The following MOV10L1 variants were observed in gnomAD, a reference collection of about 807,000 sequenced individuals.
The protein encoded by MOV10L1 is RNA helicase Mov10l1.
MOV10L1 carries 110 observed loss-of-function variants against 143.8 expected under a neutral mutation model. That is an observed-to-expected ratio of 0.76 (90% CI 0.66 to 0.90). The LOEUF (loss-of-function observed/expected upper bound fraction) is 0.90, where lower values mean the gene tolerates loss of function less well. Among genes scored for constraint, MOV10L1 ranks in the 40% least tolerant of loss-of-function variants. MOV10L1 has a pLI of 0.00. For missense variants in MOV10L1, 1,406 were observed against 1,526.8 expected (o/e 0.92, Z 1.32); for synonymous variants, 593 against 581.1 (o/e 1.02, Z -0.29).
At chr22:50,103,499 T>A (rs2061797101) in intron 3 of MOV10L1, among the ~76,000 whole-genome samples, 1 of 152,162 alleles carries the variant, frequency 6.6e-6, no homozygotes, top group African/African-American at 2.4e-5. Flanking sequence ...GGAGGCTGTT[T>A]AGCTGCATCC....
rs2052412726 is a variant in MOV10L1, at chr22:50,144,186, C to G, written c.2448C>G (p.Ser816Arg). 6.2e-7 allele frequency: 1 copy of G among 1,612,936 alleles called. No homozygotes were observed. The highest frequency in any genetic ancestry group is 8.5e-7 in the Non-Finnish European group (1 of 1,179,142). ...ADLVCLRLHE[S>R]KVLQPATMVR... ...TCGTGTGTCTGCGGCTGCACGAGAG[C>G]AAGGTGCTACAGCCGGCCACCATGG... Residue 816 changes from serine to arginine, a missense_variant, in exon 18 of 27, where the codon AGC becomes AGG. This residue lies in a region of MOV10L1 where 1,233 missense variants were observed against 1,351.4 expected (regional missense o/e 0.91). Transcript: ENST00000262794.
intron 10 of MOV10L1, among the ~76,000 whole-genome samples, 161 bp from the exon 11 acceptor site, chr22:50,125,231 C>T (rs542541460): frequency 1.1e-4 from 16 of 152,342 alleles, no homozygotes; most frequent in East Asian, 3.9e-4. Context: ...TGCTGAAGGC[C>T]GGGGAACTTA....
At chr22:50,144,587 GTTTTT>G (rs71198224) in intron 18 of MOV10L1, among the ~76,000 whole-genome samples, 144 of 148,124 alleles carry the variant, frequency 9.7e-4, no homozygotes, top group South Asian at 2.7e-3. Flanking sequence ...GTTTTGTTTT[GTTTTT>G]TTTTTTTGAG....
chr22:50,151,996 C>T (rs2063312101), intron 21 of MOV10L1, among the ~76,000 whole-genome samples: 1 of 152,248 alleles, frequency 6.6e-6, no homozygotes, highest in Non-Finnish European at 1.5e-5. Context: ...CCAGCTAAGG[C>T]AGAGGTGCCG....
At chr22:50,090,207 G>A in intron 1 of MOV10L1, 22 bp downstream of exon 1, 1 of 1,412,872 alleles carries the variant, frequency 7.1e-7, no homozygotes, top group Non-Finnish European at 9.2e-7. Context: ...GAGGCGGCTG[G>A]GAGGCGGGTC....
intron 9 of MOV10L1, among the ~76,000 whole-genome samples, chr22:50,119,769 A>C (rs1240271850): frequency 6.6e-6 from 1 of 151,632 alleles, no homozygotes; most frequent in Non-Finnish European, 1.5e-5. Flanking sequence ...TTGAGATGAC[A>C]GTGAATGGAA....
chr22:50,112,970 C>G (rs554381467), intron 5 of MOV10L1, among the ~76,000 whole-genome samples: 1 of 152,180 alleles, frequency 6.6e-6, no homozygotes, highest in Admixed American at 6.5e-5. Context: ...GGGAACCTCA[C>G]TGAGTTTGCA....
At chr22:50,154,422 G>T (rs2063374815) in intron 22 of MOV10L1, among the ~76,000 whole-genome samples, 1 of 151,164 alleles carries the variant, frequency 6.6e-6, no homozygotes, top group Admixed American at 6.6e-5. Flanking sequence ...TTTTAAATTA[G>T]CTGAGCATGG....
Position 50,099,582 on chromosome 22 carries a change from C to T in MOV10L1, c.422C>T (p.Ser141Phe), listed in dbSNP as rs781497595. Residue 141 changes from serine (S) to phenylalanine (F), a missense_variant, in exon 3 of 27, where the codon TCT (serine) becomes TTT (phenylalanine). Transcript: ENST00000262794. ...AGCISQTTYF[S>F]LESVCEGFEP... ...TGTATCAGTCAGACCACCTACTTCTCTCTGGAGAGTGTGTGCGAAGGTATG... is the reference window on the plus strand; with the variant it reads ...TGTATCAGTCAGACCACCTACTTCTTTCTGGAGAGTGTGTGCGAAGGTATG... 2.5e-6 allele frequency: 4 copies of T among 1,612,968 alleles called. No homozygotes were observed. Among genetic ancestry groups the T allele is most frequent in the Non-Finnish European group, 3.4e-6 (4 of 1,179,006 alleles).
rs1225494285 is a variant in MOV10L1 at position 50,114,620 on chromosome 22, CA to C, written c.1125del (p.Gly376ValfsTer21). 6.8e-6 allele frequency: 11 copies of C among 1,613,576 alleles called. No individual in the cohort carries two copies. The highest frequency in any genetic ancestry group is 9.3e-6 in the Non-Finnish European group (11 of 1,179,716). ...SSLVNNRGISPGDCTCKGENG... is the reference protein window; with the variant it reads ...SSLVNNRGISXGDCTCKGENG... ...TTGGTGAACAACAGAGGAATCTCTC[CA>C]GGTAGTGGACGTTTCGGCTGTCACT... On this transcript the variant is annotated frameshift_variant and splice_region_variant, in exon 7 of 27. Coordinates refer to ENST00000262794, the MANE Select transcript of MOV10L1 (RefSeq NM_018995.3). LOFTEE classifies it high-confidence loss of function.
In MOV10L1 at chr22:50,150,719, G is replaced by A; in HGVS notation, c.2728-16G>A. ...CACCCTCCCTGCATGAGCTGAGACG[G>A]GCCCTCTGTGTGCAGATCGTGCTGG... is the stretch of plus-strand genomic sequence containing the variant. On this transcript the variant is annotated splice_polypyrimidine_tract_variant and intron_variant, in intron 20 of 26. Coordinates refer to ENST00000262794, the MANE Select transcript of MOV10L1 (RefSeq NM_018995.3). 1 of 1,612,110 alleles carries A rather than the reference G, an allele frequency of 6.2e-7. No homozygotes were observed.
chr22:50,108,046 A>G (rs1602161163), intron 3 of MOV10L1, 90 bp from the exon 4 acceptor site: 3 of 1,138,096 alleles, frequency 2.6e-6, no homozygotes, highest in East Asian at 2.4e-5. Flanking sequence ...ATGTATCCTC[A>G]GGTATGATAG....
intron 1 of MOV10L1, 32 bp from the exon 2 acceptor site, chr22:50,091,969 G>A (rs1283804331): frequency 5.6e-6 from 9 of 1,598,966 alleles, no homozygotes; most frequent in Admixed American, 1.7e-5. Context: ...TGCTTTTATG[G>A]CCAAGATAAC....
At position 50,092,019 on chromosome 22, in the gene MOV10L1, C is replaced by G. The variant is rs2062458485; in HGVS notation, c.116C>G (p.Thr39Ser). 6.2e-7 allele frequency: 1 copy of G among 1,613,834 alleles called. No homozygotes were observed. The highest frequency in any genetic ancestry group is 8.5e-7 in the Non-Finnish European group (1 of 1,179,888). ...ACCTCAGGTGACACTAAGCTGAAAA[C>G]TGTACGGGGTGTCGTGACAAGGTAC... is the stretch of plus-strand genomic sequence containing the variant. The part of the protein sequence containing the change: ...ELAEGDTKLK[T>S]VRGVVTRYCS... The change falls in exon 2 of 27, where the codon ACT becomes AGT. Residue 39 changes from threonine to serine, a missense_variant. This residue lies in a region of MOV10L1 where 166 missense variants were observed against 153.9 expected (regional missense o/e 1.08). Transcript: ENST00000262794.
intron 3 of MOV10L1, among the ~76,000 whole-genome samples, chr22:50,105,979 C>G (rs914171240): frequency 6.6e-6 from 1 of 152,192 alleles, no homozygotes; most frequent in African/African-American, 2.4e-5. Context: ...AGCTTCCTGA[C>G]CTGCAGGGTC....
intron 7 of MOV10L1, 90 bp downstream of exon 7, chr22:50,114,712 G>T: frequency 1.3e-6 from 2 of 1,542,668 alleles, no homozygotes; most frequent in South Asian, 2.5e-5. Context: ...GGCAGCAGGG[G>T]CCAGGACACC....
At chr22:50,098,000 A>ATTTTTTTTTTTTTTTTTTTT (rs1473343093) in intron 2 of MOV10L1, among the ~76,000 whole-genome samples, 1 of 151,390 alleles carries the variant, frequency 6.6e-6, no homozygotes, top group African/African-American at 2.4e-5. Context: ...CACCCAGCTA[A>ATTTTTTTTTTTTTTTTTTTT]TTTTTTTTGT....
In MOV10L1 at chr22:50,161,072, T is replaced by G. The variant is rs1232432875; in HGVS notation, c.3554+17T>G. 1 of 1,611,216 alleles carries G rather than the reference T, an allele frequency of 6.2e-7. No individual in the cohort carries two copies. The highest frequency in any genetic ancestry group is 1.3e-5 in the African/African-American group (1 of 74,854). On this transcript the variant is annotated intron_variant, in intron 26 of 26. Transcript: ENST00000262794. ...TCTGCAAAAGTGAGCGCTTCTGCTG[T>G]CTTCCTCAAAGACAGGCTGGCTCTA... is the stretch of plus-strand genomic sequence containing the variant.
Position 50,158,240 on chromosome 22 carries a change from G to A in MOV10L1, c.3216+34G>A, listed in dbSNP as rs528415263. ...TGCCCAGGCACGCCTGGTTCTGTGA[G>A]GTCCCTGCAGCCCTGCTCCTTGGCT... On this transcript the variant is annotated intron_variant, in intron 23 of 26. Transcript: ENST00000262794. The surrounding 1 kb of genome is among the most constrained non-coding windows in gnomAD (Gnocchi z 5.0). The A allele has an allele frequency of 1.9e-6, 3 of 1,613,114 alleles. No individual in the cohort carries two copies. Among genetic ancestry groups the A allele is most frequent in the Non-Finnish European group, 2.5e-6 (3 of 1,179,580 alleles).
Sources: gnomAD v4.1 joint callset for allele counts (sites outside exome capture counted in the v4.1 genomes callset) on GRCh38, gnomAD v4.1.1 for gene constraint, gnomAD v4.1.1 regional missense constraint, Gnocchi (gnomAD v3.1) non-coding constraint, MANE v1.5 for transcripts, NCBI Gene and HGNC (gene_info 2026-07-23, HGNC 2026-07-21) for gene names.